Variants in ACACA observed in about 807,000 individuals in gnomAD.
The protein encoded by ACACA is acetyl-CoA carboxylase 1.
A neutral mutation model predicts 296.1 loss-of-function variants in ACACA; 103 were observed. The observed-to-expected ratio is 0.35, with a 90% confidence interval of 0.30 to 0.41. The LOEUF (loss-of-function observed/expected upper bound fraction) is 0.41, where lower values mean the gene tolerates loss of function less well. Ranked by LOEUF, ACACA falls within the 10% of genes least tolerant of loss-of-function variation. ACACA has a pLI of 1.00. For missense variants in ACACA, 1,554 were observed against 2,989.7 expected (o/e 0.52, Z 11.20); for synonymous variants, 953 against 1,038.6 (o/e 0.92, Z 1.58).
intron 16 of ACACA, among the ~76,000 whole-genome samples, chr17:37,250,133 T>TAGC (rs2080914158): frequency 6.6e-6 from 1 of 152,242 alleles, no homozygotes; most frequent in African/African-American, 2.4e-5. Context: ...ATGTCTTTAT[T>TAGC]AGCAGTGTGA....
chr17:37,350,136 C>A (rs1410143044), intron 1 of ACACA, among the ~76,000 whole-genome samples: 2 of 151,752 alleles, frequency 1.3e-5, no homozygotes, highest in African/African-American at 4.8e-5. Context: ...CCAGGCTGGG[C>A]AACAAAGTGA....
intron 5 of ACACA, among the ~76,000 whole-genome samples, chr17:37,282,574 A>T (rs1479417054): frequency 6.6e-6 from 1 of 152,230 alleles, no homozygotes; most frequent in Non-Finnish European, 1.5e-5. Flanking sequence ...ACATATGCAG[A>T]CTAAAATAAG....
intron 24 of ACACA, among the ~76,000 whole-genome samples, chr17:37,237,983 A>C: frequency 6.6e-6 from 1 of 152,098 alleles, no homozygotes; most frequent in Non-Finnish European, 1.5e-5. Context: ...CTGGTCTCGA[A>C]CTCCTGGGCT....
intron 45 of ACACA, among the ~76,000 whole-genome samples, chr17:37,138,202 G>A (rs2075410651): frequency 6.6e-6 from 1 of 152,170 alleles, no homozygotes; most frequent in African/African-American, 2.4e-5. Context: ...ATTAGACTGT[G>A]TGATGATGGC....
chr17:37,154,595 C>G (rs189895306), intron 43 of ACACA, among the ~76,000 whole-genome samples: 1 of 152,114 alleles, frequency 6.6e-6, no homozygotes, highest in Non-Finnish European at 1.5e-5. Context: ...CTCCTGGGTT[C>G]AAGCGATTGT....
intron 1 of ACACA, among the ~76,000 whole-genome samples, chr17:37,393,250 G>A (rs970960173): frequency 2.0e-5 from 3 of 151,980 alleles, no homozygotes; most frequent in Non-Finnish European, 2.9e-5. Context: ...GGATGAATGA[G>A]TATATTATTT....
intron 3 of ACACA, among the ~76,000 whole-genome samples, chr17:37,306,710 TTTGCAATGGAGTC>T (rs1265241031): frequency 6.6e-6 from 1 of 152,096 alleles, no homozygotes; most frequent in Non-Finnish European, 1.5e-5. Flanking sequence ...TATTTTTTTT[TTTGCAATGGAGTC>T]TTGCTCTGTC....
Position 37,201,505 on chromosome 17 carries a change from C to T in ACACA, c.4057-1022G>A, listed in dbSNP as rs186974725. Among the ~76,000 whole-genome samples, 986 of 150,596 alleles carry T rather than the reference C, an allele frequency of 6.5e-3. 7 individuals are homozygous for T. The highest frequency in any genetic ancestry group is 0.053 in the Middle Eastern group (15 of 284). ...CTTATACGAGTCTTGGGCATCTGGACCTAAAGCCTTCCTCTTCCCTATACT... is the reference window on the plus strand; with the variant it reads ...CTTATACGAGTCTTGGGCATCTGGATCTAAAGCCTTCCTCTTCCCTATACT... On this transcript the variant is annotated intron_variant, in intron 33 of 55. Transcript: ENST00000616317.
At chr17:37,304,881 A>G (rs2083798626) in intron 3 of ACACA, among the ~76,000 whole-genome samples, 1 of 152,104 alleles carries the variant, frequency 6.6e-6, no homozygotes, top group South Asian at 2.1e-4. Flanking sequence ...AGGTCACTTG[A>G]GGCCAGGAGT....
chr17:37,208,421 T>A (rs1191229916), intron 30 of ACACA, among the ~76,000 whole-genome samples: 1 of 152,196 alleles, frequency 6.6e-6, no homozygotes, highest in Non-Finnish European at 1.5e-5. Flanking sequence ...TTTAATGGGT[T>A]GGTAGGCATA....
At chr17:37,265,181 A>G (rs1404151121) in intron 10 of ACACA, among the ~76,000 whole-genome samples, 1 of 152,206 alleles carries the variant, frequency 6.6e-6, no homozygotes, top group African/African-American at 2.4e-5. Context: ...CAAGCCACAA[A>G]GCCAGCTAAG....
rs778616410 is a variant in ACACA at position 37,193,461 on chromosome 17, GGCT to G, written c.4159-49_4159-47del. ...AAATGTGTCAGTAGTTCATAGACAT[GGCT>G]CTTTGAGAACAAACAGTATAGAAAC... On this transcript the variant is annotated intron_variant, in intron 35 of 55. Coordinates refer to ENST00000616317, the MANE Select transcript of ACACA (RefSeq NM_198834.3). The G allele has an allele frequency of 3.6e-6, 5 of 1,406,778 alleles. No homozygotes were observed. In the African/African-American group the frequency reaches 7.1e-5, roughly 20 times the overall value. The allele number at this position is 1,406,778 out of a possible 1,614,324, so 87.1% of individuals were successfully genotyped here. A position where few individuals can be genotyped will look rare whatever the true frequency, so the allele number is the denominator to read the frequency against.
intron 41 of ACACA, among the ~76,000 whole-genome samples, chr17:37,165,485 TAGA>T (rs1490879995): frequency 6.6e-6 from 1 of 152,146 alleles, no homozygotes; most frequent in Non-Finnish European, 1.5e-5. Flanking sequence ...AACACACTAT[TAGA>T]AGCAGAAATC....
rs936206075 is a variant in ACACA at position 37,371,367 on chromosome 17, G to A, written c.39-31517C>T. Among the ~76,000 whole-genome samples the A allele has an allele frequency of 1.4e-4, 21 of 151,850 alleles. No homozygotes were observed. The South Asian group carries it at 1.7e-3, about 12-fold the overall frequency. On this transcript the variant is annotated intron_variant, in intron 1 of 55. Transcript: ENST00000616317. ...GTGCTGGGATACACGCATGAGCCACGACGCCCGGCTGATAGTTCAATGATT... is the reference window on the plus strand; with the variant it reads ...GTGCTGGGATACACGCATGAGCCACAACGCCCGGCTGATAGTTCAATGATT...
At chr17:37,165,504 T>C (rs2076631061) in intron 41 of ACACA, among the ~76,000 whole-genome samples, 1 of 152,138 alleles carries the variant, frequency 6.6e-6, no homozygotes, top group African/African-American at 2.4e-5. Flanking sequence ...AAATCTACTA[T>C]ATTAACTTCT....
At chr17:37,096,150 CCCCTCCAATT>C (rs1358670914) in intron 54 of ACACA, among the ~76,000 whole-genome samples, 1 of 152,222 alleles carries the variant, frequency 6.6e-6, no homozygotes, top group Non-Finnish European at 1.5e-5. Context: ...CTGCTCTTAG[CCCCTCCAATT>C]CCCTCCTCCA....
At chr17:37,351,163 A>C (rs553591061) in intron 1 of ACACA, among the ~76,000 whole-genome samples, 3 of 151,084 alleles carry the variant, frequency 2.0e-5, no homozygotes, top group Admixed American at 6.6e-5. Context: ...TAAAATATAA[A>C]ATAAAATGTT....
At chr17:37,179,482 C>G in intron 40 of ACACA, 76 bp from the exon 41 acceptor site, 1 of 1,544,574 alleles carries the variant, frequency 6.5e-7, no homozygotes, top group South Asian at 1.1e-5. Flanking sequence ...AAGATTCAGT[C>G]AATCTGGTTT....
chr17:37,232,372 A>C (rs919149493), intron 25 of ACACA, among the ~76,000 whole-genome samples: 2 of 152,218 alleles, frequency 1.3e-5, no homozygotes, highest in Non-Finnish European at 1.5e-5. Flanking sequence ...AAGCTGGGGG[A>C]GTCAAAGTGC....
Sources: allele counts gnomAD v4.1 joint callset (sites outside exome capture counted in the v4.1 genomes callset), GRCh38; gene constraint gnomAD v4.1.1; transcripts MANE v1.5; gene names NCBI Gene and HGNC (gene_info 2026-07-23, HGNC 2026-07-21).